Variants in MALRD1 observed in about 807,000 individuals in gnomAD.
MALRD1 encodes MAM and LDL receptor class A domain containing 1.
Under a neutral mutation model 242.1 loss-of-function variants are expected in MALRD1, and 247 were observed. The observed-to-expected ratio is 1.02, with a 90% CI of 0.92 to 1.13. The LOEUF (loss-of-function observed/expected upper bound fraction) is 1.13, where lower values mean the gene tolerates loss of function less well. Ranked by LOEUF, MALRD1 falls within the 50% of genes most tolerant of loss-of-function variation. The pLI is 0.00. For missense variants in MALRD1, 2,989 were observed against 2,533.1 expected, an observed-to-expected ratio of 1.18 and a Z score of -3.86; for synonymous variants, 995 against 866.6, an observed-to-expected ratio of 1.15 and a Z score of -2.60.
rs912388859 is a variant in MALRD1, at chr10:19,428,235, G to A, written c.4846-22072G>A. On this transcript the variant is annotated intron_variant, in intron 28 of 39. Coordinates refer to ENST00000454679, the MANE Select transcript of MALRD1 (RefSeq NM_001142308.3). ...ACCGAGATTTCACGGCAAGCTCCAC[G>A]TTTAATTAATTTCATCAAAGGTTTT... Among the ~76,000 whole-genome samples, 23 of 151,676 alleles carry A rather than the reference G, an allele frequency of 1.5e-4. 1 individual carries two copies. Among genetic ancestry groups the A allele is most frequent in the South Asian group, 4.2e-4 (2 of 4,800 alleles).
intron 26 of MALRD1, among the ~76,000 whole-genome samples, chr10:19,355,449 G>A (rs563290591): frequency 5.3e-5 from 8 of 151,764 alleles, no homozygotes; most frequent in African/African-American, 1.7e-4. Flanking sequence ...ATAAAAAAGA[G>A]TATTCATTCA....
At position 19,104,657 on chromosome 10, in the gene MALRD1, A is replaced by T. The variant is rs150803358; in HGVS notation, c.694+582A>T. On this transcript the variant is annotated intron_variant, in intron 5 of 39. Coordinates refer to ENST00000454679, the MANE Select transcript of MALRD1 (RefSeq NM_001142308.3). ...CAGGCTTAATCCAATAATAAAAAAG[A>T]GTCAGTCATATTGAAACCCATATAT... is the stretch of plus-strand genomic sequence containing the variant. Among the ~76,000 whole-genome samples, 591 of 152,214 alleles carry T rather than the reference A, an allele frequency of 3.9e-3. 4 individuals carry two copies. Among genetic ancestry groups the T allele is most frequent in the African/African-American group, 0.014 (570 of 41,568 alleles).
At chr10:19,337,782 A>G (rs570278520) in intron 24 of MALRD1, among the ~76,000 whole-genome samples, 1 of 152,020 alleles carries the variant, frequency 6.6e-6, no homozygotes, top group Admixed American at 6.6e-5. Context: ...ACAGTTATCA[A>G]CTGGGTGCGG....
rs1338475926 is a variant in MALRD1 at position 19,352,141 on chromosome 10, T to C, written c.4285T>C (p.Ser1429Pro). 1 of 1,550,494 alleles carries C rather than the reference T, an allele frequency of 6.4e-7. No homozygotes were observed. The highest frequency in any genetic ancestry group is 2.4e-5 in the East Asian group (1 of 40,902). ...QGNFWRREEL[S>P]LFGDEDFQLK... ...CAATTTCTGGCGGAGAGAAGAACTG[T>C]CACTGTTTGGTGATGAAGACTTCCA... The change falls in exon 26 of 40, where the codon TCA becomes CCA. Residue 1429 changes from serine to proline, a missense_variant. Physicochemically the swap from Ser to Pro is moderately conservative, Grantham distance 74 (BLOSUM62 -1). Transcript: ENST00000454679.
chr10:19,514,084 C>A (rs3904486), intron 31 of MALRD1, among the ~76,000 whole-genome samples: 20,726 of 152,120 alleles, frequency 0.14, 1,521 homozygotes, highest in East Asian at 0.22. Flanking sequence ...TTTCAGGAAC[C>A]TAACAGAATA....
At chr10:19,176,360 T>C (rs1325729463) in intron 14 of MALRD1, among the ~76,000 whole-genome samples, 1 of 123,376 alleles carries the variant, frequency 8.1e-6, no homozygotes, top group Non-Finnish European at 1.7e-5. Flanking sequence ...TGTATATTTC[T>C]GGGTGCTTTT....
intron 1 of MALRD1, among the ~76,000 whole-genome samples, chr10:19,050,116 C>T (rs369752020): frequency 5.9e-5 from 7 of 118,968 alleles, no homozygotes; most frequent in South Asian, 2.7e-4. Flanking sequence ...GAGACGGAGT[C>T]TCGCTCTGTC....
intron 28 of MALRD1, among the ~76,000 whole-genome samples, chr10:19,422,348 G>A (rs1833746093): frequency 6.6e-6 from 1 of 152,124 alleles, no homozygotes; most frequent in South Asian, 2.1e-4. Context: ...CTATTGGTGA[G>A]AAAATATCTT....
intron 21 of MALRD1, among the ~76,000 whole-genome samples, chr10:19,299,247 G>A (rs1841839860): frequency 6.6e-6 from 1 of 151,744 alleles, no homozygotes; most frequent in African/African-American, 2.4e-5. Flanking sequence ...CAGTATAAGG[G>A]GGCGCTTCAC....
chr10:19,088,371 C>CT (rs1019517481), intron 4 of MALRD1, among the ~76,000 whole-genome samples, 186 bp downstream of exon 4: 1 of 151,884 alleles, frequency 6.6e-6, no homozygotes, highest in Non-Finnish European at 1.5e-5. Flanking sequence ...CTAAAAGACA[C>CT]TTTTACAATA....
rs549822878 is a variant in MALRD1, at chr10:19,545,073, G to A, written c.5478+13722G>A. On this transcript the variant is annotated intron_variant, in intron 32 of 39. Coordinates refer to ENST00000454679, the MANE Select transcript of MALRD1 (RefSeq NM_001142308.3). ...CAAGATCAAGGTGTCAGCAGGTGTG[G>A]GTTCTTCTGAGGCTTCTTCCTTGAC... is the stretch of plus-strand genomic sequence containing the variant. Among the ~76,000 whole-genome samples, 3 of 152,244 alleles carry A rather than the reference G, an allele frequency of 2.0e-5. No homozygotes were observed. The East Asian group carries it at 5.8e-4, about 29-fold the overall frequency.
intron 28 of MALRD1, among the ~76,000 whole-genome samples, chr10:19,447,267 A>G (rs1232553154): frequency 6.6e-6 from 1 of 152,210 alleles, no homozygotes; most frequent in Non-Finnish European, 1.5e-5. Flanking sequence ...AGTTTGCTGA[A>G]TAAAGGAATG....
At chr10:19,515,318 T>C (rs1041269028) in intron 31 of MALRD1, among the ~76,000 whole-genome samples, 4 of 152,192 alleles carry the variant, frequency 2.6e-5, no homozygotes, top group African/African-American at 7.2e-5. Context: ...CAGCTTCCTG[T>C]AGATTGGCAA....
At chr10:19,475,494 TAAA>T (rs1564373517) in intron 29 of MALRD1, among the ~76,000 whole-genome samples, 1 of 152,208 alleles carries the variant, frequency 6.6e-6, no homozygotes, top group Non-Finnish European at 1.5e-5. Context: ...GAATATAAGG[TAAA>T]AATATTAATC....
rs1376853321 is a variant in MALRD1, at chr10:19,274,233, T to C, written c.3080-5814T>C. Among the ~76,000 whole-genome samples the C allele has an allele frequency of 2.6e-5, 4 of 152,206 alleles. No homozygotes were observed. The East Asian group carries it at 5.8e-4, about 22-fold the overall frequency. On this transcript the variant is annotated intron_variant, in intron 19 of 39. Coordinates refer to ENST00000454679, the MANE Select transcript of MALRD1 (RefSeq NM_001142308.3). ...GAGGTAGAATAACCCAAATGTCTAT[T>C]AACAGATGATTGGATAAAGAAAATG... is the stretch of plus-strand genomic sequence containing the variant.
At chr10:19,321,015 G>A (rs1842895009) in intron 21 of MALRD1, among the ~76,000 whole-genome samples, 1 of 151,966 alleles carries the variant, frequency 6.6e-6, no homozygotes, top group Admixed American at 6.6e-5. Context: ...CTCCCATTCT[G>A]TAGGTTGCCT....
chr10:19,626,103 A>G (rs1037114594), intron 36 of MALRD1, among the ~76,000 whole-genome samples: 11 of 152,152 alleles, frequency 7.2e-5, no homozygotes, highest in African/African-American at 2.7e-4. Flanking sequence ...TTATTTTCAA[A>G]TCTAACTTAT....
chr10:19,712,459 A>G (rs539279973), intron 38 of MALRD1, among the ~76,000 whole-genome samples: 1 of 152,344 alleles, frequency 6.6e-6, no homozygotes, highest in South Asian at 2.1e-4. Context: ...ATATATGTAA[A>G]GGAATTTGTG....
intron 5 of MALRD1, among the ~76,000 whole-genome samples, chr10:19,108,116 A>G (rs1443204438): frequency 2.0e-5 from 3 of 152,184 alleles, no homozygotes; most frequent in South Asian, 4.2e-4. Context: ...CCCTCTGGAA[A>G]TTGTATAATG....
Sources: allele counts gnomAD v4.1 joint callset (sites outside exome capture counted in the v4.1 genomes callset), GRCh38; gene constraint gnomAD v4.1.1; transcripts MANE v1.5; gene names NCBI Gene and HGNC (gene_info 2026-07-23, HGNC 2026-07-21).